NWD2: variants seen among roughly 807,000 people sequenced by gnomAD.
NWD2 encodes the protein NACHT and WD repeat domain-containing protein 2.
Under a neutral mutation model 132.7 loss-of-function variants are expected in NWD2, and 37 were observed. The ratio of observed to expected loss-of-function variants is 0.28; its 90% CI spans 0.21 to 0.37. The LOEUF is 0.37. Among genes scored for constraint, NWD2 ranks in the 10% least tolerant of loss-of-function variants. The pLI, the probability that NWD2 is intolerant of heterozygous loss-of-function variation, is 1.00. For synonymous variants in NWD2, 705 were observed against 803.0 expected, an observed-to-expected ratio of 0.88 and a Z score of 2.06; for missense variants, 1,592 against 2,122.4, an observed-to-expected ratio of 0.75 and a Z score of 4.91.
chr4:37,339,534 C>T (rs1461627281), intron 2 of NWD2, among the ~76,000 whole-genome samples: 1 of 152,180 alleles, frequency 6.6e-6, no homozygotes, highest in Non-Finnish European at 1.5e-5. Flanking sequence ...ATTATACCAA[C>T]ACTGAAAATT....
chr4:37,428,108 G>A lies in NWD2; in HGVS notation c.358-2464G>A, dbSNP rs1291743546. On this transcript the variant is annotated intron_variant, in intron 3 of 6. Coordinates refer to ENST00000309447, the MANE Select transcript of NWD2 (RefSeq NM_001144990.2). Reference sequence around the variant, plus strand: ...CCTCTCCCTCAGAGAGCTTACCATTGTGTTGTAGAATTTAGGTCATGAATT... The same window carrying A: ...CCTCTCCCTCAGAGAGCTTACCATTATGTTGTAGAATTTAGGTCATGAATT... 2.6e-5 allele frequency among the ~76,000 whole-genome samples: 4 copies of A among 152,184 alleles called. No individual in the cohort carries two copies. The East Asian group carries it at 7.7e-4, about 29-fold the overall frequency.
intron 1 of NWD2, among the ~76,000 whole-genome samples, chr4:37,294,426 G>A (rs1460445894): frequency 6.6e-6 from 1 of 152,036 alleles, no homozygotes; most frequent in Non-Finnish European, 1.5e-5. Context: ...CGCCCCTGTA[G>A]GACTACATGC....
intron 1 of NWD2, among the ~76,000 whole-genome samples, chr4:37,323,769 C>T (rs1462934814): frequency 6.7e-6 from 1 of 150,096 alleles, no homozygotes; most frequent in Non-Finnish European, 1.5e-5. Context: ...TTCACAATAG[C>T]AAAGATATGG....
chr4:37,288,184 G>A (rs1718276740), intron 1 of NWD2, among the ~76,000 whole-genome samples: 1 of 152,144 alleles, frequency 6.6e-6, no homozygotes, highest in Non-Finnish European at 1.5e-5. Context: ...GGAACTTAGA[G>A]GATGGGTCAA....
At chr4:37,371,078 CT>C (rs11378524) in intron 3 of NWD2, among the ~76,000 whole-genome samples, 6 of 121,202 alleles carry the variant, frequency 5.0e-5, no homozygotes, top group African/African-American at 1.2e-4. Flanking sequence ...TTTTCTTTTT[CT>C]TTTTTTTTTT....
At chr4:37,310,576 G>C (rs1577663645) in intron 1 of NWD2, among the ~76,000 whole-genome samples, 1 of 46,956 alleles carries the variant, frequency 2.1e-5, no homozygotes, top group East Asian at 3.2e-4. Flanking sequence ...GTTCTTAGTT[G>C]TAGGTGGAAA....
intron 1 of NWD2, among the ~76,000 whole-genome samples, chr4:37,323,197 A>C (rs887833406): frequency 1.3e-5 from 2 of 152,212 alleles, no homozygotes; most frequent in Non-Finnish European, 2.9e-5. Flanking sequence ...GGCCTGCAGG[A>C]AGCAGTCATT....
intron 3 of NWD2, among the ~76,000 whole-genome samples, chr4:37,424,157 A>G (rs1476494495): frequency 2.0e-5 from 3 of 152,188 alleles, no homozygotes; most frequent in Non-Finnish European, 4.4e-5. Flanking sequence ...TGAACATGCC[A>G]TAGTCCTTGT....
chr4:37,348,637 CATAT>C (rs370439742), intron 2 of NWD2, among the ~76,000 whole-genome samples: 790 of 26,520 alleles, frequency 0.03, 42 homozygotes, highest in African/African-American at 0.11. Flanking sequence ...GTGGTTAATT[CATAT>C]ATATATATAT....
At chr4:37,296,434 C>A (rs1718489742) in intron 1 of NWD2, among the ~76,000 whole-genome samples, 1 of 152,118 alleles carries the variant, frequency 6.6e-6, no homozygotes, top group African/African-American at 2.4e-5. Flanking sequence ...AGATGTGGAA[C>A]CAATCCAAGT....
intron 2 of NWD2, among the ~76,000 whole-genome samples, chr4:37,331,689 A>G (rs1476864046): frequency 6.6e-6 from 1 of 152,222 alleles, no homozygotes; most frequent in Non-Finnish European, 1.5e-5. Flanking sequence ...CAAACTAAAC[A>G]ATTATCCACA....
At position 37,358,887 on chromosome 4, in the gene NWD2, CAG is replaced by C. The variant is rs547769514; in HGVS notation, c.357+2406_357+2407del. On this transcript the variant is annotated intron_variant, in intron 3 of 6. Coordinates refer to ENST00000309447, the MANE Select transcript of NWD2 (RefSeq NM_001144990.2). ...AAGTGAAGAACACAAACCACTGTGA[CAG>C]GGGTGCTATAGAAGAGACTCAAATA... Among the ~76,000 whole-genome samples, 20 of 152,232 alleles carry C rather than the reference CAG, an allele frequency of 1.3e-4. No individual in the cohort carries two copies. The East Asian group carries it at 3.7e-3, about 28-fold the overall frequency.
intron 3 of NWD2, among the ~76,000 whole-genome samples, chr4:37,387,533 A>G (rs1164533863): frequency 6.6e-6 from 1 of 151,724 alleles, no homozygotes; most frequent in Non-Finnish European, 1.5e-5. Context: ...TATATGAGCC[A>G]TCTGCTTGTC....
At chr4:37,418,128 C>T (rs1711679171) in intron 3 of NWD2, among the ~76,000 whole-genome samples, 1 of 151,648 alleles carries the variant, frequency 6.6e-6, no homozygotes, top group Admixed American at 6.6e-5. Flanking sequence ...TCTTGTAGTA[C>T]CAGGAAGTAA....
At chr4:37,399,974 T>C (rs151107649) in intron 3 of NWD2, among the ~76,000 whole-genome samples, 2 of 152,364 alleles carry the variant, frequency 1.3e-5, no homozygotes, top group East Asian at 1.9e-4. Flanking sequence ...TCTGAAACTT[T>C]TAGACATTTC....
intron 5 of NWD2, among the ~76,000 whole-genome samples, chr4:37,438,538 A>C (rs184769843): frequency 6.6e-6 from 1 of 152,304 alleles, no homozygotes; most frequent in East Asian, 1.9e-4. Context: ...TAACTTTGAT[A>C]TGCTTTCTTT....
intron 3 of NWD2, among the ~76,000 whole-genome samples, chr4:37,400,789 T>A (rs1411551452): frequency 6.6e-6 from 1 of 152,216 alleles, no homozygotes; most frequent in African/African-American, 2.4e-5. Context: ...AGAACAATAG[T>A]TATATTGTTT....
chr4:37,408,525 C>T (rs1230648116), intron 3 of NWD2, among the ~76,000 whole-genome samples: 1 of 152,242 alleles, frequency 6.6e-6, no homozygotes, highest in Non-Finnish European at 1.5e-5. Context: ...GCAGCAGACC[C>T]AGTCAGGGAC....
chr4:37,274,127 T>G (rs1315711059), intron 1 of NWD2, among the ~76,000 whole-genome samples: 1 of 151,824 alleles, frequency 6.6e-6, no homozygotes, highest in Non-Finnish European at 1.5e-5. Context: ...CTTCAAAAAA[T>G]CAATGAATCC....
Sources: allele counts gnomAD v4.1 joint callset (sites outside exome capture counted in the v4.1 genomes callset), GRCh38; gene constraint gnomAD v4.1.1; transcripts MANE v1.5; gene names NCBI Gene and HGNC (gene_info 2026-07-23, HGNC 2026-07-21).